PHACTR1: variants seen among roughly 807,000 people sequenced by gnomAD.
PHACTR1 encodes phosphatase and actin regulator 1, also known as RPEL repeat containing 1.
A neutral mutation model predicts 69.2 loss-of-function variants in PHACTR1; 16 were observed. That is an observed-to-expected ratio of 0.23 (90% CI 0.16 to 0.35). The LOEUF (loss-of-function observed/expected upper bound fraction) is 0.35, where lower values mean the gene tolerates loss of function less well. Among genes scored for constraint, PHACTR1 ranks in the 10% least tolerant of loss-of-function variants. The pLI is 1.00. For synonymous variants in PHACTR1, 312 were observed against 284.5 expected, an observed-to-expected ratio of 1.10 and a Z score of -0.97; for missense variants, 510 against 734.7, an observed-to-expected ratio of 0.69 and a Z score of 3.54.
At chr6:12,830,085 GA>G (rs1230996388) in intron 4 of PHACTR1, among the ~76,000 whole-genome samples, 47 of 132,926 alleles carry the variant, frequency 3.5e-4, no homozygotes, top group East Asian at 9.3e-4. Context: ...AGGAAGGAAG[GA>G]AGGAGGGAAA....
At chr6:12,902,751 G>A (rs1164348732) in intron 4 of PHACTR1, among the ~76,000 whole-genome samples, 1 of 152,148 alleles carries the variant, frequency 6.6e-6, no homozygotes, top group Non-Finnish European at 1.5e-5. Context: ...ATCAATATAT[G>A]AAGAACATAT....
intron 3 of PHACTR1, among the ~76,000 whole-genome samples, chr6:12,745,220 A>C (rs1325961514): frequency 6.6e-6 from 1 of 152,120 alleles, no homozygotes; most frequent in Non-Finnish European, 1.5e-5. Flanking sequence ...CTTCCATAGC[A>C]GTTGGATGTA....
chr6:12,807,625 C>T (rs903696874), intron 4 of PHACTR1, among the ~76,000 whole-genome samples: 5 of 152,194 alleles, frequency 3.3e-5, no homozygotes, highest in Admixed American at 6.5e-5. Context: ...TTACAAAGAG[C>T]GGATAAGAAC....
At chr6:12,730,258 T>C (rs1763321922) in intron 3 of PHACTR1, among the ~76,000 whole-genome samples, 1 of 152,208 alleles carries the variant, frequency 6.6e-6, no homozygotes, top group Non-Finnish European at 1.5e-5. Context: ...GATTGGGAGA[T>C]TGTTTATAAA....
chr6:13,268,700 C>T (rs1324714689), intron 10 of PHACTR1, among the ~76,000 whole-genome samples: 1 of 152,210 alleles, frequency 6.6e-6, no homozygotes, highest in African/African-American at 2.4e-5. Flanking sequence ...CTCCTAGCTC[C>T]TGAGCTACTT....
intron 4 of PHACTR1, among the ~76,000 whole-genome samples, chr6:12,881,443 C>A (rs1307664084): frequency 6.6e-6 from 1 of 152,054 alleles, no homozygotes; most frequent in Non-Finnish European, 1.5e-5. Flanking sequence ...TATGTGTGGT[C>A]CTGAGTTTGG....
At chr6:13,166,137 A>G (rs1280212560) in intron 6 of PHACTR1, among the ~76,000 whole-genome samples, 1 of 152,062 alleles carries the variant, frequency 6.6e-6, no homozygotes, top group Non-Finnish European at 1.5e-5. Context: ...CTTCCCCCAG[A>G]TATCCAGATG....
chr6:13,151,441 G>A (rs975349596), intron 5 of PHACTR1, among the ~76,000 whole-genome samples: 7 of 152,100 alleles, frequency 4.6e-5, no homozygotes, highest in Non-Finnish European at 7.4e-5. Context: ...GAAAATACCC[G>A]GCCCAGAAAT....
intron 4 of PHACTR1, among the ~76,000 whole-genome samples, chr6:12,795,738 GTT>G (rs70989805): frequency 3.5e-4 from 52 of 146,634 alleles, no homozygotes; most frequent in Middle Eastern, 3.6e-3. Flanking sequence ...TTTTTGAGTT[GTT>G]TTTTTTTTTT....
intron 10 of PHACTR1, 153 bp from the exon 11 acceptor site, chr6:13,272,707 A>T: frequency 4.4e-6 from 7 of 1,578,238 alleles, no homozygotes; most frequent in Non-Finnish European, 6.0e-6. Flanking sequence ...GGAACTGAGG[A>T]GGCGGTGGTG....
chr6:13,088,277 A>G (rs190430664), intron 5 of PHACTR1, among the ~76,000 whole-genome samples: 75 of 152,096 alleles, frequency 4.9e-4, no homozygotes, highest in Non-Finnish European at 7.9e-4. Flanking sequence ...AAAAGATTCT[A>G]TTCTTGACAG....
In PHACTR1 at chr6:13,184,142, G is replaced by A. The variant is rs140344262; in HGVS notation, c.664+1456G>A. Among the ~76,000 whole-genome samples the A allele has an allele frequency of 3.3e-3, 503 of 152,340 alleles. 4 individuals are homozygous for A. Among genetic ancestry groups the A allele is most frequent in the African/African-American group, 0.012 (482 of 41,578 alleles). ...TGCTGTTGCTAAAACTACAGAATTT[G>A]GGCTGAGAGGCTGCTGCTCAGCGCC... On this transcript the variant is annotated intron_variant, in intron 7 of 14. Transcript: ENST00000332995.
chr6:12,823,247 A>G (rs919943644), intron 4 of PHACTR1, among the ~76,000 whole-genome samples: 1 of 152,250 alleles, frequency 6.6e-6, no homozygotes, highest in Non-Finnish European at 1.5e-5. Context: ...AAGGAAGTAA[A>G]TAAGTCAATA....
chr6:12,947,598 G>A (rs564832281), intron 4 of PHACTR1, among the ~76,000 whole-genome samples: 5 of 152,182 alleles, frequency 3.3e-5, no homozygotes, highest in Admixed American at 1.3e-4. Flanking sequence ...GGAGCCAGAC[G>A]CTCCTGGGTT....
At chr6:12,778,111 T>A (rs977642253) in intron 4 of PHACTR1, among the ~76,000 whole-genome samples, 1 of 151,036 alleles carries the variant, frequency 6.6e-6, no homozygotes, top group African/African-American at 2.4e-5. Context: ...AAAAAAAAAA[T>A]GAATTATTGT....
At chr6:13,207,184 G>A (rs1456735360) in intron 8 of PHACTR1, among the ~76,000 whole-genome samples, 2 of 152,188 alleles carry the variant, frequency 1.3e-5, no homozygotes, top group Non-Finnish European at 2.9e-5. Flanking sequence ...GAAATGGGGA[G>A]AAAATACTTT....
intron 4 of PHACTR1, among the ~76,000 whole-genome samples, chr6:12,976,866 T>C (rs1156716572): frequency 6.6e-6 from 1 of 152,208 alleles, no homozygotes; most frequent in Non-Finnish European, 1.5e-5. Flanking sequence ...TATAAGTAAT[T>C]GTTGCTAATC....
chr6:13,174,902 C>T (rs1179737777), intron 6 of PHACTR1, among the ~76,000 whole-genome samples: 1 of 152,086 alleles, frequency 6.6e-6, no homozygotes, highest in African/African-American at 2.4e-5. Flanking sequence ...ATAAACACAG[C>T]CTGGCACATA....
In PHACTR1 at chr6:13,287,054, T is replaced by C; in HGVS notation, c.1728-9T>C. 1 of 1,607,676 alleles carries C rather than the reference T, an allele frequency of 6.2e-7. No homozygotes were observed. The highest frequency in any genetic ancestry group is 8.5e-7 in the Non-Finnish European group (1 of 1,176,820). ...CCCTTGGTCTTGATGTAATTGTTTG[T>C]TTCCTTAGGTTTCACCGACCTTAAC... On this transcript the variant is annotated splice_polypyrimidine_tract_variant and intron_variant, in intron 14 of 14. Coordinates refer to ENST00000332995, the MANE Select transcript of PHACTR1 (RefSeq NM_030948.6).
Sources: gnomAD v4.1 joint callset for allele counts (sites outside exome capture counted in the v4.1 genomes callset) on GRCh38, gnomAD v4.1.1 for gene constraint, MANE v1.5 for transcripts, NCBI Gene and HGNC (gene_info 2026-07-23, HGNC 2026-07-21) for gene names.